TRPM3: variants seen among roughly 807,000 people sequenced by gnomAD.
TRPM3 encodes long transient receptor potential channel 3.
TRPM3 carries 77 observed loss-of-function variants against 181.2 expected under a neutral mutation model. The ratio of observed to expected loss-of-function variants is 0.42; its 90% CI spans 0.35 to 0.51. The LOEUF is 0.51. Ranked by LOEUF, TRPM3 falls within the 20% of genes least tolerant of loss-of-function variation. The pLI, the probability that TRPM3 is intolerant of heterozygous loss-of-function variation, is 0.01. For missense variants in TRPM3, 1,759 were observed against 2,196.7 expected (o/e 0.80, Z 3.98); for synonymous variants, 745 against 796.4 (o/e 0.94, Z 1.09).
At chr9:71,159,374 A>G (rs1232758268) in intron 1 of TRPM3, among the ~76,000 whole-genome samples, 4 of 152,120 alleles carry the variant, frequency 2.6e-5, no homozygotes, top group African/African-American at 9.7e-5. Flanking sequence ...TATCCCTGCT[A>G]TAGATAGAAT....
At chr9:71,277,041 C>G (rs1366797655) in intron 1 of TRPM3, among the ~76,000 whole-genome samples, 1 of 152,136 alleles carries the variant, frequency 6.6e-6, no homozygotes, top group African/African-American at 2.4e-5. Flanking sequence ...TATAATCAAG[C>G]TACGTAAGAA....
At chr9:71,425,381 C>G (rs944814105) in intron 1 of TRPM3, among the ~76,000 whole-genome samples, 10 of 152,136 alleles carry the variant, frequency 6.6e-5, no homozygotes, top group African/African-American at 2.2e-4. Context: ...AAGCCTATTT[C>G]TCCCCATGTG....
chr9:70,681,572 C>T lies in TRPM3; in HGVS notation c.1279G>A (p.Val427Ile). The T allele has an allele frequency of 6.2e-7, 1 of 1,613,716 alleles. No homozygotes were observed. Among genetic ancestry groups the T allele is most frequent in the Non-Finnish European group, 8.5e-7 (1 of 1,179,712 alleles). ...ECMKKKELIT[V>I]FRMGSEGHQD... ...TGTCCTTCTGATCCCATCCGAAATA[C>T]CGTAATCTGCAATTTGAGACAAGGT... The change falls in exon 9 of 26, where the codon GTA (valine) becomes ATA (isoleucine). Residue 427 changes from valine to isoleucine, a missense_variant. Val to Ile is a conservative substitution (Grantham distance 29). Coordinates refer to ENST00000677713, the MANE Select transcript of TRPM3 (RefSeq NM_001366145.2).
intron 1 of TRPM3, among the ~76,000 whole-genome samples, chr9:71,064,833 T>G (rs1283530571): frequency 1.3e-5 from 2 of 152,164 alleles, no homozygotes; most frequent in Non-Finnish European, 2.9e-5. Context: ...AAGTAATTTT[T>G]ACAGACATTA....
intron 1 of TRPM3, among the ~76,000 whole-genome samples, chr9:71,183,670 A>G (rs1419047638): frequency 6.6e-6 from 1 of 152,094 alleles, no homozygotes; most frequent in Non-Finnish European, 1.5e-5. Context: ...AGCTGGGAAA[A>G]TCTTCCCTTC....
intron 1 of TRPM3, among the ~76,000 whole-genome samples, chr9:71,018,720 A>C (rs2097809652): frequency 6.6e-6 from 1 of 151,904 alleles, no homozygotes; most frequent in Non-Finnish European, 1.5e-5. Context: ...CACATATTTA[A>C]GGAAAATATA....
In TRPM3 at chr9:70,553,004, G is replaced by A. The variant is rs532630333; in HGVS notation, c.3414C>T (p.Val1138=). ...TGAGCTGATACCTCTGAAACTTCCA[G>A]ACTTGGTTGGATATCGATTTTACTT... is the stretch of plus-strand genomic sequence containing the variant. ...FFEVKSISNQ[V]WKFQRYQLIM... The change falls in exon 24 of 26, where the codon GTC becomes GTT. Residue 1138 remains valine, a synonymous_variant. Coordinates refer to ENST00000677713, the MANE Select transcript of TRPM3 (RefSeq NM_001366145.2). The A allele has an allele frequency of 1.2e-6, 2 of 1,614,072 alleles. No homozygotes were observed. Among genetic ancestry groups the A allele is most frequent in the Non-Finnish European group, 1.7e-6 (2 of 1,180,040 alleles).
intron 1 of TRPM3, among the ~76,000 whole-genome samples, chr9:70,931,038 C>G (rs924705201): frequency 6.6e-6 from 1 of 151,858 alleles, no homozygotes; most frequent in Admixed American, 6.6e-5. Context: ...TAAAGAGTGG[C>G]TTTTTTTGTT....
chr9:71,317,334 G>T (rs2088702059), intron 1 of TRPM3, among the ~76,000 whole-genome samples: 1 of 152,136 alleles, frequency 6.6e-6, no homozygotes, highest in South Asian at 2.1e-4. Flanking sequence ...CAAGAAAATT[G>T]TTCAAAATAT....
intron 1 of TRPM3, among the ~76,000 whole-genome samples, chr9:71,296,819 C>T (rs570385705): frequency 4.6e-4 from 70 of 151,978 alleles, no homozygotes; most frequent in Non-Finnish European, 9.0e-4. Flanking sequence ...TTTTTAGATA[C>T]ATTTTGAAAG....
intron 1 of TRPM3, among the ~76,000 whole-genome samples, chr9:71,113,575 C>A (rs1217547223): frequency 2.0e-5 from 3 of 152,052 alleles, no homozygotes; most frequent in African/African-American, 7.2e-5. Flanking sequence ...GTCTGACATG[C>A]CATATTTTCT....
At chr9:70,922,637 T>G (rs2096669404) in intron 1 of TRPM3, among the ~76,000 whole-genome samples, 1 of 152,206 alleles carries the variant, frequency 6.6e-6, no homozygotes, top group Non-Finnish European at 1.5e-5. Context: ...ATCATTTCTT[T>G]CAGAACTTAT....
At chr9:71,424,672 T>A (rs574375079) in intron 1 of TRPM3, among the ~76,000 whole-genome samples, 1 of 152,244 alleles carries the variant, frequency 6.6e-6, no homozygotes, top group Non-Finnish European at 1.5e-5. Flanking sequence ...ATTTTATAGG[T>A]GTTTCCCTGT....
intron 9 of TRPM3, among the ~76,000 whole-genome samples, chr9:70,665,148 C>T (rs1375982660): frequency 6.6e-6 from 1 of 152,072 alleles, no homozygotes; most frequent in Non-Finnish European, 1.5e-5. Context: ...GGGAGCTGAA[C>T]TCTTCCTCTT....
chr9:70,938,775 AC>A (rs1241837223), intron 1 of TRPM3, among the ~76,000 whole-genome samples: 2 of 151,836 alleles, frequency 1.3e-5, no homozygotes, highest in African/African-American at 2.4e-5. Context: ...ACACAGCGAA[AC>A]CCCGTCTCCA....
At chr9:70,996,395 G>T (rs1020266232) in intron 1 of TRPM3, among the ~76,000 whole-genome samples, 2 of 152,140 alleles carry the variant, frequency 1.3e-5, no homozygotes, top group Admixed American at 6.5e-5. Context: ...TGACACCAAG[G>T]TGTCACTATG....
intron 22 of TRPM3, among the ~76,000 whole-genome samples, chr9:70,559,961 T>C (rs2048666973): frequency 6.6e-6 from 1 of 152,214 alleles, no homozygotes; most frequent in African/African-American, 2.4e-5. Flanking sequence ...TTTTAAAAGA[T>C]AGCTTTAAAA....
At chr9:70,878,826 GC>G (rs1409684405) in intron 1 of TRPM3, among the ~76,000 whole-genome samples, 1 of 151,946 alleles carries the variant, frequency 6.6e-6, no homozygotes, top group East Asian at 1.9e-4. Flanking sequence ...TGATTCATAG[GC>G]CCCCAACGGA....
At chr9:71,227,638 A>T (rs1445415532) in intron 1 of TRPM3, among the ~76,000 whole-genome samples, 1 of 152,162 alleles carries the variant, frequency 6.6e-6, no homozygotes, top group Non-Finnish European at 1.5e-5. Flanking sequence ...AAAAAATCAG[A>T]AATGAAAAAA....
Sources: gnomAD v4.1 joint callset for allele counts (sites outside exome capture counted in the v4.1 genomes callset) on GRCh38, gnomAD v4.1.1 for gene constraint, MANE v1.5 for transcripts, NCBI Gene and HGNC (gene_info 2026-07-23, HGNC 2026-07-21) for gene names.